The following WIPF1 variants were observed in gnomAD, a reference collection of about 807,000 sequenced individuals.
WIPF1 encodes the protein WAS/WASL interacting protein family member 1, also known as WAS/WASL-interacting protein family member 1.
In WIPF1, 13 loss-of-function variants were observed where a neutral mutation model predicts 35.4. The observed-to-expected ratio is 0.37, with a 90% CI of 0.24 to 0.58. The LOEUF is 0.58. Among genes scored for constraint, WIPF1 ranks in the 20% least tolerant of loss-of-function variants. WIPF1 has a pLI of 0.74. For synonymous variants in WIPF1, 267 were observed against 266.3 expected, an observed-to-expected ratio of 1.00 and a Z score of -0.02; for missense variants, 591 against 667.0, an observed-to-expected ratio of 0.89 and a Z score of 1.25.
chr2:174,589,823 T>A (rs1293163862), intron 1 of WIPF1, among the ~76,000 whole-genome samples: 1 of 152,242 alleles, frequency 6.6e-6, no homozygotes. Flanking sequence ...CATTGCTAGA[T>A]CTTGTTGTTT....
At chr2:174,609,824 C>T (rs1371098300) in intron 1 of WIPF1, among the ~76,000 whole-genome samples, 2 of 152,208 alleles carry the variant, frequency 1.3e-5, no homozygotes, top group Non-Finnish European at 2.9e-5. Context: ...AAAGGCCAAT[C>T]AGACGATTCT....
chr2:174,595,754 C>A (rs1477344978), intron 1 of WIPF1, among the ~76,000 whole-genome samples: 1 of 152,164 alleles, frequency 6.6e-6, no homozygotes, highest in Admixed American at 6.5e-5. Context: ...GAAAAGCATA[C>A]TGATTAAGGC....
At chr2:174,682,184 A>C (rs1688262683) in intron 1 of WIPF1, among the ~76,000 whole-genome samples, 1 of 152,242 alleles carries the variant, frequency 6.6e-6, no homozygotes, top group Non-Finnish European at 1.5e-5. Flanking sequence ...GATGTCTCTA[A>C]GGTCGACGCA....
At chr2:174,585,851 T>TAAA (rs1685400943) in intron 1 of WIPF1, among the ~76,000 whole-genome samples, 1 of 152,078 alleles carries the variant, frequency 6.6e-6, no homozygotes, top group Non-Finnish European at 1.5e-5. Context: ...TCGGCTCCAT[T>TAAA]CCCCCACCCA....
At chr2:174,678,780 T>A (rs1574876000) in intron 1 of WIPF1, among the ~76,000 whole-genome samples, 3 of 152,390 alleles carry the variant, frequency 2.0e-5, no homozygotes, top group South Asian at 4.1e-4. Flanking sequence ...GAGTAGGTTT[T>A]CCTGGGTAAG....
Position 174,643,601 on chromosome 2 carries a change from G to A in WIPF1, c.-39+39173C>T, listed in dbSNP as rs182873926. Among the ~76,000 whole-genome samples the A allele has an allele frequency of 1.7e-3, 247 of 149,240 alleles. 6 individuals carry two copies. The highest frequency in any genetic ancestry group is 3.4e-3 in the Middle Eastern group (1 of 292). On this transcript the variant is annotated intron_variant, in intron 1 of 8. Transcript: ENST00000272746. ...TAATTTTTGTATTTTTAGTAGAGCC[G>A]GGTTTTGCATGTTGGCTATGCTGGT...
chr2:174,665,823 G>C (rs543135659), intron 1 of WIPF1: 1 of 152,306 alleles, frequency 6.6e-6, no homozygotes, highest in South Asian at 2.1e-4. Flanking sequence ...TTCTACAATG[G>C]ACTCTGCTCA....
intron 4 of WIPF1, chr2:174,574,858 G>C: frequency 1.4e-6 from 1 of 716,920 alleles, no homozygotes. Flanking sequence ...CACAAAGAAA[G>C]CTGAATCTGT....
chr2:174,573,036 C>G (rs1350746488), intron 4 of WIPF1, among the ~76,000 whole-genome samples: 1 of 152,020 alleles, frequency 6.6e-6, no homozygotes, highest in African/African-American at 2.4e-5. Flanking sequence ...GGAAAAAGAA[C>G]CATCAGTAAA....
At chr2:174,605,164 G>A (rs1686119924) in intron 1 of WIPF1, among the ~76,000 whole-genome samples, 1 of 152,228 alleles carries the variant, frequency 6.6e-6, no homozygotes, top group Admixed American at 6.5e-5. Context: ...GGCCAGCGCA[G>A]GGGCTCGCGC....
chr2:174,652,675 A>G (rs1687557097), intron 1 of WIPF1, among the ~76,000 whole-genome samples: 1 of 152,188 alleles, frequency 6.6e-6, no homozygotes, highest in Admixed American at 6.5e-5. Flanking sequence ...TGGCAAACTC[A>G]AACTCCTACC....
rs1000433420 is a variant in WIPF1, at chr2:174,621,400, G to A, written c.-38-35789C>T. On this transcript the variant is annotated intron_variant, in intron 1 of 8. Transcript: ENST00000272746. ...AAAGTGAATGAAATATCCAGAAAGC[G>A]AATGAAAATACAACTCTGGAGATCA... Among the ~76,000 whole-genome samples the A allele has an allele frequency of 3.9e-5, 6 of 152,106 alleles. 1 individual carries two copies. Among genetic ancestry groups the A allele is most frequent in the South Asian group, 4.1e-4 (2 of 4,824 alleles).
intron 1 of WIPF1, among the ~76,000 whole-genome samples, chr2:174,667,156 C>T (rs968040111): frequency 9.8e-5 from 15 of 152,328 alleles, no homozygotes; most frequent in African/African-American, 3.6e-4. Context: ...GAGCTCACCA[C>T]TGGGGCTGAC....
chr2:174,588,570 G>A (rs1218854405), intron 1 of WIPF1, among the ~76,000 whole-genome samples: 3 of 152,156 alleles, frequency 2.0e-5, no homozygotes, highest in African/African-American at 7.2e-5. Context: ...TACTGTCTGT[G>A]CACTAACTGA....
chr2:174,629,321 T>C (rs1686941959), intron 1 of WIPF1, among the ~76,000 whole-genome samples: 1 of 152,230 alleles, frequency 6.6e-6, no homozygotes, highest in South Asian at 2.1e-4. Context: ...ACATAAAACC[T>C]CTTAAACAGT....
rs759858004 is a variant in WIPF1, at chr2:174,571,550, T to G, written c.1129+126A>C. The G allele has an allele frequency of 7.4e-7, 1 of 1,358,684 alleles. No individual in the cohort carries two copies. The highest frequency in any genetic ancestry group is 2.3e-5 in the East Asian group (1 of 43,712). The allele number at this position is 1,358,684 out of a possible 1,614,324, so 84.2% of individuals were successfully genotyped here. A position where few individuals can be genotyped will look rare whatever the true frequency, so the allele number is the denominator to read the frequency against. ...CACGATCACACGTGTCGTGTGCCAC[T>G]TAAAAGCACAAAGCAGTCTGAGTTT... On this transcript the variant is annotated intron_variant, in intron 5 of 7. Transcript: ENST00000679041. The surrounding 1 kb of genome is among the most constrained non-coding windows in gnomAD (Gnocchi z 4.6).
Position 174,560,904 on chromosome 2 carries a change from C to G in WIPF1, c.*1643G>C, listed in dbSNP as rs1247535571. On this transcript the variant is annotated 3_prime_UTR_variant, in exon 8 of 8. Coordinates refer to ENST00000679041, the MANE Select transcript of WIPF1 (RefSeq NM_001375834.1). ...CTTTGGGTTGGTTTCTTGGTAGCAT[C>G]TCCCAGTAATACATGAATAACATAC... is the stretch of plus-strand genomic sequence containing the variant. 1.3e-5 allele frequency: 2 copies of G among 152,524 alleles called. No homozygotes were observed. The highest frequency in any genetic ancestry group is 2.9e-5 in the Non-Finnish European group (2 of 68,034). 9.4% of individuals were successfully genotyped at this position (152,524 alleles called of 1,614,324 possible).
intron 1 of WIPF1, among the ~76,000 whole-genome samples, chr2:174,648,711 G>A (rs1047246759): frequency 3.9e-5 from 6 of 152,114 alleles, no homozygotes; most frequent in African/African-American, 1.4e-4. Flanking sequence ...AATATACAGG[G>A]GGAAAATAGG....
chr2:174,661,801 G>A (rs1215893667), intron 1 of WIPF1, among the ~76,000 whole-genome samples: 1 of 152,182 alleles, frequency 6.6e-6, no homozygotes, highest in Non-Finnish European at 1.5e-5. Context: ...GCAGAGGAGT[G>A]AAGAGGAGCA....
Sources: gnomAD v4.1 joint callset for allele counts (sites outside exome capture counted in the v4.1 genomes callset) on GRCh38, gnomAD v4.1.1 for gene constraint, Gnocchi (gnomAD v3.1) non-coding constraint, MANE v1.5 for transcripts, NCBI Gene and HGNC (gene_info 2026-07-23, HGNC 2026-07-21) for gene names.